GRIN1: variants seen among roughly 807,000 people sequenced by gnomAD.
GRIN1 encodes glutamate ionotropic receptor NMDA type subunit 1.
In GRIN1, 38 loss-of-function variants were observed where a neutral mutation model predicts 103.0. That is an observed-to-expected ratio of 0.37 (90% CI 0.28 to 0.48). GRIN1 has a LOEUF of 0.48. Among genes scored for constraint, GRIN1 ranks in the 20% least tolerant of loss-of-function variants. The pLI is 0.98. For missense variants in GRIN1, 577 were observed against 1,288.9 expected (o/e 0.45, Z 8.46); for synonymous variants, 544 against 532.7 (o/e 1.02, Z -0.29).
Position 137,139,525 on chromosome 9 carries a change from C to T in GRIN1, c.39C>T (p.Phe13=). The change falls in exon 1 of 20, where the codon TTC becomes TTT. Residue 13 remains phenylalanine, a synonymous_variant. Coordinates refer to ENST00000371561, the MANE Select transcript of GRIN1 (RefSeq NM_007327.4). This position sits in a 1 kb window ranked among gnomAD's most constrained non-coding sequence, Gnocchi z 7.7. ...GCCTGCTGACGCTCGCCCTGCTGTT[C>T]TCCTGCTCCGTCGCCCGTGCCGCGT... ...TMRLLTLALL[F]SCSVARAACD... 6.2e-7 allele frequency: 1 copy of T among 1,608,802 alleles called. No homozygotes were observed. The highest frequency in any genetic ancestry group is 1.3e-5 in the African/African-American group (1 of 75,008).
At chr9:137,152,513 A>G (rs888314681) in intron 4 of GRIN1, among the ~76,000 whole-genome samples, 2 of 152,184 alleles carry the variant, frequency 1.3e-5, no homozygotes, top group Admixed American at 1.3e-4. Context: ...AGAAAACCAC[A>G]TACAAAACCA....
intron 4 of GRIN1, 22 bp from the exon 5 acceptor site, chr9:137,156,647 G>A (rs1482210838): frequency 3.1e-6 from 5 of 1,597,128 alleles, no homozygotes; most frequent in Non-Finnish European, 3.4e-6. Flanking sequence ...GTCCTGGCCC[G>A]TCATCCCCGT....
rs907367017 is a variant in GRIN1, at chr9:137,139,389, G to T, written c.-98G>T. The T allele has an allele frequency of 1.3e-5, 10 of 779,654 alleles. No individual in the cohort carries two copies. Among genetic ancestry groups the T allele is most frequent in the African/African-American group, 1.3e-4 (7 of 54,812 alleles). 48.3% of individuals were successfully genotyped at this position (779,654 alleles called of 1,614,324 possible). A position where few individuals can be genotyped will look rare whatever the true frequency, so the allele number is the denominator to read the frequency against. On this transcript the variant is annotated 5_prime_UTR_variant, in exon 1 of 20. Coordinates refer to ENST00000371561, the MANE Select transcript of GRIN1 (RefSeq NM_007327.4). This position sits in a 1 kb window ranked among gnomAD's most constrained non-coding sequence, Gnocchi z 7.7. ...GGGAGACGTGGCGTCCGCAGCCCGC[G>T]GGGCCGGGCGAGCGCAGGACGGCCC...
At chr9:137,148,660 C>A (rs1832678426) in intron 3 of GRIN1, among the ~76,000 whole-genome samples, 1 of 152,228 alleles carries the variant, frequency 6.6e-6, no homozygotes, top group Admixed American at 6.5e-5. Context: ...AAACTCTTTT[C>A]TGTTTCCCGT....
At chr9:137,144,381 G>A (rs572918875) in intron 2 of GRIN1, among the ~76,000 whole-genome samples, 376 of 150,920 alleles carry the variant, frequency 2.5e-3, no homozygotes, top group Non-Finnish European at 4.0e-3. Context: ...TTGGCCGGGC[G>A]CGGTGGCTCA....
At chr9:137,163,434 A>C (rs879058450) in intron 16 of GRIN1, 104 bp downstream of exon 16, 4 of 1,480,982 alleles carry the variant, frequency 2.7e-6, no homozygotes, top group Non-Finnish European at 3.8e-6. Context: ...TTTCCCACCC[A>C]GGCCGGGCGC....
rs1470742285 is a variant in GRIN1, at chr9:137,167,579, C to T, written c.*52C>T. On this transcript the variant is annotated 3_prime_UTR_variant, in exon 20 of 20. Transcript: ENST00000371561. ...CCTCCCCCGCAGACAGACAGACAGA[C>T]GGACGGGACAGCGGCCCGGCCCACG... 2.0e-6 allele frequency: 3 copies of T among 1,506,796 alleles called. No homozygotes were observed. Among genetic ancestry groups the T allele is most frequent in the South Asian group, 1.2e-5 (1 of 82,838 alleles). The allele number at this position is 1,506,796 out of a possible 1,614,324, so 93.3% of individuals were successfully genotyped here. A position where few individuals can be genotyped will look rare whatever the true frequency, so the allele number is the denominator to read the frequency against.
Position 137,156,768 on chromosome 9 carries a change from C to T in GRIN1, c.771C>T (p.Asn257=). 6.3e-7 allele frequency: 1 copy of T among 1,589,320 alleles called. No individual in the cohort carries two copies. The highest frequency in any genetic ancestry group is 8.6e-7 in the Non-Finnish European group (1 of 1,169,330). The change falls in exon 5 of 20, where the codon AAC becomes AAT. Residue 257 remains asparagine (N), a synonymous_variant. Coordinates refer to ENST00000371561, the MANE Select transcript of GRIN1 (RefSeq NM_007327.4). ...TCGGCGAGCGCGAGATCTCGGGGAACGCCCTGCGCTACGCCCCAGACGGTG... is the reference window on the plus strand; with the variant it reads ...TCGGCGAGCGCGAGATCTCGGGGAATGCCCTGCGCTACGCCCCAGACGGTG... ...WLVGEREISG[N]ALRYAPDGIL... is the part of the protein sequence containing the mutation.
intron 2 of GRIN1, among the ~76,000 whole-genome samples, chr9:137,144,012 C>A (rs998389306): frequency 2.6e-5 from 4 of 152,216 alleles, no homozygotes; most frequent in African/African-American, 9.6e-5. Context: ...AGGCCTTTAG[C>A]CCCAAGAGTG....
chr9:137,158,643 T>C lies in GRIN1; in HGVS notation c.1136T>C (p.Ile379Thr). 1 of 1,612,752 alleles carries C rather than the reference T, an allele frequency of 6.2e-7. No homozygotes were observed. The highest frequency in any genetic ancestry group is 8.5e-7 in the Non-Finnish European group (1 of 1,179,932). Residue 379 changes from isoleucine (I) to threonine (T), a missense_variant, in exon 8 of 20, where the codon ATC becomes ACC. By Grantham distance (89) the Ile-to-Thr change is moderately conservative. Around this residue, in one of 9 missense-constraint regions of GRIN1, gnomAD observed 308 missense variants for 553.6 expected, o/e 0.56. Transcript: ENST00000371561. ...GTHVIPNDRK[I>T]IWPGGETEKP... The stretch of plus-strand genomic sequence containing the variant: ...CAGGTCATCCCTAATGACAGGAAGA[T>C]CATCTGGCCAGGCGGAGAGACAGAG...
rs769586898 is a variant in GRIN1 at position 137,162,755 on chromosome 9, G to T, written c.2013+16G>T. ...CGACCCTCGGGTGAGGCCTGGCCGG[G>T]CTGGGGGAGGGAATGCGAGGTGAGC... On this transcript the variant is annotated intron_variant, in intron 14 of 19. Transcript: ENST00000371561. The T allele has an allele frequency of 3.7e-6, 6 of 1,601,810 alleles. No individual in the cohort carries two copies. In the Middle Eastern group the frequency reaches 4.9e-4, roughly 132 times the overall value.
rs1832061042 is a variant in GRIN1 at position 137,139,745 on chromosome 9, G to A, written c.258+1G>A. 1 of 1,612,942 alleles carries A rather than the reference G, an allele frequency of 6.2e-7. No homozygotes were observed. Among genetic ancestry groups the A allele is most frequent in the Non-Finnish European group, 8.5e-7 (1 of 1,179,416 alleles). ...GTGCGAGGACCTCATCTCCAGCCAGGTGCCCTCCCCCACCTCCGCCACCCA... is the reference window on the plus strand; with the variant it reads ...GTGCGAGGACCTCATCTCCAGCCAGATGCCCTCCCCCACCTCCGCCACCCA... On this transcript the variant is annotated splice_donor_variant, in intron 1 of 19. Transcript: ENST00000371561. LOFTEE classifies it high-confidence loss of function. The surrounding 1 kb of genome is among the most constrained non-coding windows in gnomAD (Gnocchi z 7.7).
Position 137,165,242 on chromosome 9 carries a change from T to C in GRIN1, c.2646T>C (p.Ala882=). Residue 882 remains alanine (A), a synonymous_variant, in exon 19 of 20, where the codon GCT becomes GCC. Transcript: ENST00000371561. ...PDPKKKATFR[A]ITSTLASSFK... ...CTAAAAAGAAAGCCACATTTAGGGC[T>C]ATCACCTCCACCCTGGCTTCCAGCT... 6.2e-7 allele frequency: 1 copy of C among 1,612,802 alleles called. No individual in the cohort carries two copies. Among genetic ancestry groups the C allele is most frequent in the Non-Finnish European group, 8.5e-7 (1 of 1,179,648 alleles).
At chr9:137,164,821 C>G (rs1833777284) in intron 18 of GRIN1, 6 of 333,306 alleles carry the variant, frequency 1.8e-5, no homozygotes, top group Non-Finnish European at 3.5e-5. Flanking sequence ...TCAGTGGCCT[C>G]CACGCAGACA....
In GRIN1 at chr9:137,161,306, C is replaced by A; in HGVS notation, c.1357C>A (p.Gln453Lys). 1 of 1,612,564 alleles carries A rather than the reference C, an allele frequency of 6.2e-7. No individual in the cohort carries two copies. Among genetic ancestry groups the A allele is most frequent in the Middle Eastern group, 1.6e-4 (1 of 6,062 alleles). ...SPGSPRHTVP[Q>K]CCYGFCIDLL... ...CTACCCAGCCCGCCACACGGTGCCTCAGTGTTGCTACGGCTTTTGCATCGA... is the reference window on the plus strand; with the variant it reads ...CTACCCAGCCCGCCACACGGTGCCTAAGTGTTGCTACGGCTTTTGCATCGA... Residue 453 changes from glutamine to lysine, a missense_variant, in exon 10 of 20, where the codon CAG becomes AAG. Gln to Lys is a moderately conservative substitution (Grantham distance 53). This residue lies in a region of GRIN1 where 96 missense variants were observed against 145.0 expected (regional missense o/e 0.66). Coordinates refer to ENST00000371561, the MANE Select transcript of GRIN1 (RefSeq NM_007327.4).
intron 4 of GRIN1, among the ~76,000 whole-genome samples, chr9:137,150,707 G>C (rs868152039): frequency 5.3e-4 from 57 of 108,490 alleles, no homozygotes; most frequent in African/African-American, 2.0e-3. Context: ...CCTGCCCAGG[G>C]AAAGCTCTGC....
At chr9:137,166,538 G>T (rs1833887243) in intron 19 of GRIN1, among the ~76,000 whole-genome samples, 1 of 152,254 alleles carries the variant, frequency 6.6e-6, no homozygotes, top group South Asian at 2.1e-4. Flanking sequence ...TGGAAGCGGG[G>T]CAGACCTCCA....
At position 137,167,951 on chromosome 9, in the gene GRIN1, C is replaced by A; in HGVS notation, c.*424C>A. 2.0e-6 allele frequency: 2 copies of A among 979,436 alleles called. No homozygotes were observed. Among genetic ancestry groups the A allele is most frequent in the East Asian group, 2.6e-5 (1 of 38,660 alleles). The allele number at this position is 979,436 out of a possible 1,614,324, so 60.7% of individuals were successfully genotyped here. On this transcript the variant is annotated 3_prime_UTR_variant, in exon 20 of 20. Transcript: ENST00000371561. Reference sequence around the variant, plus strand: ...CCACCCGCCCCAGAGACTGCCCACCCTGGGCCTCCCGTCCGTCCGCCCGCC... The same window carrying A: ...CCACCCGCCCCAGAGACTGCCCACCATGGGCCTCCCGTCCGTCCGCCCGCC...
At chr9:137,163,961 TC>T in intron 18 of GRIN1, 57 bp downstream of exon 18, 2 of 1,587,528 alleles carry the variant, frequency 1.3e-6, no homozygotes, top group Non-Finnish European at 1.7e-6. Flanking sequence ...GCCACGGCCC[TC>T]CTCCATCCCC....
Sources: gnomAD v4.1 joint callset for allele counts (sites outside exome capture counted in the v4.1 genomes callset) on GRCh38, gnomAD v4.1.1 for gene constraint, gnomAD v4.1.1 regional missense constraint, Gnocchi (gnomAD v3.1) non-coding constraint, MANE v1.5 for transcripts, NCBI Gene and HGNC (gene_info 2026-07-23, HGNC 2026-07-21) for gene names.